The following FBXO30 variants were observed in gnomAD, a reference collection of about 807,000 sequenced individuals.
FBXO30 encodes the protein F-box protein 30.
In FBXO30, 21 loss-of-function variants were observed where a neutral mutation model predicts 58.1. The observed-to-expected ratio is 0.36, with a 90% CI of 0.26 to 0.52. The LOEUF (loss-of-function observed/expected upper bound fraction) is 0.52. Among genes scored for constraint, FBXO30 ranks in the 20% least tolerant of loss-of-function variants. FBXO30 has a pLI of 0.93. For missense variants in FBXO30, 744 were observed against 897.3 expected (o/e 0.83, Z 2.18); for synonymous variants, 309 against 312.4 (o/e 0.99, Z 0.11).
At position 145,805,925 on chromosome 6, in the gene FBXO30, T is replaced by C. The variant is rs761534844; in HGVS notation, c.481A>G (p.Ser161Gly). 3.7e-6 allele frequency: 6 copies of C among 1,613,938 alleles called. No homozygotes were observed. The African/African-American group carries it at 5.3e-5, about 14-fold the overall frequency. The change falls in exon 2 of 3, where the codon AGT (serine) becomes GGT (glycine). Residue 161 changes from serine (S) to glycine (G), a missense_variant. Ser to Gly is a moderately conservative substitution (Grantham distance 56). Coordinates refer to ENST00000237281, the MANE Select transcript of FBXO30 (RefSeq NM_032145.5). The part of the protein sequence containing the change: ...KPREQISVKS[S>G]VPEIPHANGL... Reference sequence around the variant, plus strand: ...TTAGCATGTGGTATTTCTGGGACACTTGATTTAACTGAGATTTGTTCTCTA... The same window carrying C: ...TTAGCATGTGGTATTTCTGGGACACCTGATTTAACTGAGATTTGTTCTCTA...
chr6:145,795,328 C>T lies in FBXO30; in HGVS notation c.*4778G>A, dbSNP rs1026713323. The T allele has an allele frequency of 2.0e-5, 3 of 151,868 alleles. No individual in the cohort carries two copies. The highest frequency in any genetic ancestry group is 7.2e-5 in the African/African-American group (3 of 41,412). 9.4% of individuals were successfully genotyped at this position (151,868 alleles called of 1,614,324 possible). A position where few individuals can be genotyped will look rare whatever the true frequency, so the allele number is the denominator to read the frequency against. On this transcript the variant is annotated 3_prime_UTR_variant, in exon 3 of 3. Transcript: ENST00000237281. Reference sequence around the variant, plus strand: ...ATTAATTGGTCTTAAGAGTTCAACACAAATGCAGTTTTGTTACTTTCAAAT... The same window carrying T: ...ATTAATTGGTCTTAAGAGTTCAACATAAATGCAGTTTTGTTACTTTCAAAT...
Position 145,799,581 on chromosome 6 carries a change from G to GT in FBXO30, c.*524dup, listed in dbSNP as rs1777935637. 1 of 152,566 alleles carries GT rather than the reference G, an allele frequency of 6.6e-6. No homozygotes were observed. The highest frequency in any genetic ancestry group is 2.4e-5 in the African/African-American group (1 of 41,412). The allele number at this position is 152,566 out of a possible 1,614,324, so 9.5% of individuals were successfully genotyped here. On this transcript the variant is annotated 3_prime_UTR_variant, in exon 3 of 3. Transcript: ENST00000237281. Reference sequence around the variant, plus strand: ...TACCAAACTTTATGATTTTACGTATGTAAGTATATATTAGAGATCATTTGT... The same window carrying GT: ...TACCAAACTTTATGATTTTACGTATGTTAAGTATATATTAGAGATCATTTGT...
At chr6:145,803,612 C>T (rs1017025794) in intron 2 of FBXO30, among the ~76,000 whole-genome samples, 4 of 152,132 alleles carry the variant, frequency 2.6e-5, no homozygotes, top group African/African-American at 9.7e-5. Flanking sequence ...CCAGTTCCTA[C>T]TGAGTAGTGC....
In FBXO30 at chr6:145,805,779, C is replaced by T; in HGVS notation, c.627G>A (p.Met209Ile). The change falls in exon 2 of 3, where the codon ATG becomes ATA. Residue 209 changes from methionine (M) to isoleucine (I), a missense_variant. This residue lies in a region of FBXO30 where 275 missense variants were observed against 262.0 expected (regional missense o/e 1.05). Transcript: ENST00000237281. ...ILNTATRDIGMLNTSVPNDMD... is the reference protein window; with the variant it reads ...ILNTATRDIGILNTSVPNDMD... ...TGTCATTTGGGACACTTGTATTTAA[C>T]ATGCCAATGTCTCTTGTAGCAGTAT... 1 of 1,614,108 alleles carries T rather than the reference C, an allele frequency of 6.2e-7. No homozygotes were observed.
chr6:145,802,024 G>C (rs1228493791), intron 2 of FBXO30, among the ~76,000 whole-genome samples: 1 of 152,094 alleles, frequency 6.6e-6, no homozygotes, highest in East Asian at 1.9e-4. Flanking sequence ...TATTTACTCA[G>C]TGCCTACTAC....
chr6:145,805,263 T>C lies in FBXO30; in HGVS notation c.1143A>G (p.Leu381=), dbSNP rs780307520. Reference sequence around the variant, plus strand: ...TGAATGAAGGAGCATGACTGAAAGATAAGACATCCACATTCTTCACGTCCC... The same window carrying C: ...TGAATGAAGGAGCATGACTGAAAGACAAGACATCCACATTCTTCACGTCCC... The part of the protein sequence containing the change: ...DLGDVKNVDV[L]SFSHAPSFNF... Residue 381 remains leucine, a synonymous_variant, in exon 2 of 3, where the codon TTA becomes TTG. Coordinates refer to ENST00000237281, the MANE Select transcript of FBXO30 (RefSeq NM_032145.5). The C allele has an allele frequency of 9.9e-6, 16 of 1,613,974 alleles. No individual in the cohort carries two copies. Among genetic ancestry groups the C allele is most frequent in the East Asian group, 2.2e-5 (1 of 44,890 alleles).
chr6:145,805,596 T>A lies in FBXO30; in HGVS notation c.810A>T (p.Leu270Phe). 1 of 1,613,886 alleles carries A rather than the reference T, an allele frequency of 6.2e-7. No individual in the cohort carries two copies. The highest frequency in any genetic ancestry group is 8.5e-7 in the Non-Finnish European group (1 of 1,179,928). Residue 270 changes from leucine (L) to phenylalanine (F), a missense_variant, in exon 2 of 3, where the codon TTA becomes TTT. By Grantham distance (22) the Leu-to-Phe change is conservative. This residue lies in a region of FBXO30 where 275 missense variants were observed against 262.0 expected (regional missense o/e 1.05). Transcript: ENST00000237281. ...CATAAGAACTTGTATTCAAGTCACA[T>A]AATAAATCACTTGAACCATTTTGTT... is the stretch of plus-strand genomic sequence containing the variant. Reference protein sequence around the residue: ...QSEQNGSSDLLCDLNTSSYDT... With the variant: ...QSEQNGSSDLFCDLNTSSYDT...
chr6:145,813,767 T>C (rs959609257), intron 1 of FBXO30, among the ~76,000 whole-genome samples: 1 of 152,170 alleles, frequency 6.6e-6, no homozygotes, highest in Non-Finnish European at 1.5e-5. Flanking sequence ...AACGAAGTAA[T>C]CATGGAATAA....
chr6:145,798,218 A>T lies in FBXO30; in HGVS notation c.*1888T>A, dbSNP rs1329868114. The T allele has an allele frequency of 6.6e-6, 1 of 152,104 alleles. No individual in the cohort carries two copies. The highest frequency in any genetic ancestry group is 1.5e-5 in the Non-Finnish European group (1 of 67,968). 9.4% of individuals were successfully genotyped at this position (152,104 alleles called of 1,614,324 possible). On this transcript the variant is annotated 3_prime_UTR_variant, in exon 3 of 3. Coordinates refer to ENST00000237281, the MANE Select transcript of FBXO30 (RefSeq NM_032145.5). The stretch of plus-strand genomic sequence containing the variant: ...GTTAAGGGAAAACATTAATTTTATT[A>T]GAACTTGAACAAATGTTTCACAAAG...
At chr6:145,804,090 CAA>C (rs1477834904) in intron 2 of FBXO30, among the ~76,000 whole-genome samples, 5 of 152,082 alleles carry the variant, frequency 3.3e-5, no homozygotes, top group African/African-American at 1.2e-4. Context: ...TGGACCCAAA[CAA>C]AGAGAGTTGT....
intron 1 of FBXO30, among the ~76,000 whole-genome samples, chr6:145,814,394 C>T (rs1236240221): frequency 1.3e-5 from 2 of 152,102 alleles, no homozygotes; most frequent in Non-Finnish European, 2.9e-5. Flanking sequence ...CGGCGGACGC[C>T]CTCTCAGGGC....
In FBXO30 at chr6:145,800,255, T is replaced by A. The variant is rs1415463670; in HGVS notation, c.2089A>T (p.Ile697Phe). Reference protein sequence around the residue: ...CSVNEWKFADILSMADHLKKC... With the variant: ...CSVNEWKFADFLSMADHLKKC... ...TTCAAGTGGTCTGCCATGCTTAGGA[T>A]GTCAGCAAATTTCCATTCATTAACA... The change falls in exon 3 of 3, where the codon ATC becomes TTC. Residue 697 changes from isoleucine to phenylalanine, a missense_variant. Coordinates refer to ENST00000237281, the MANE Select transcript of FBXO30 (RefSeq NM_032145.5). 2.5e-6 allele frequency: 4 copies of A among 1,612,888 alleles called. No homozygotes were observed. Among genetic ancestry groups the A allele is most frequent in the Non-Finnish European group, 3.4e-6 (4 of 1,179,310 alleles).
Position 145,794,992 on chromosome 6 carries a change from C to A in FBXO30, c.*5114G>T, listed in dbSNP as rs1446403813. Reference sequence around the variant, plus strand: ...AATTCTAGGACAGCAGAATGCAGGACCCCTTTTTTTCAATTTCAATCTTTT... The same window carrying A: ...AATTCTAGGACAGCAGAATGCAGGAACCCTTTTTTTCAATTTCAATCTTTT... On this transcript the variant is annotated 3_prime_UTR_variant, in exon 3 of 3. Transcript: ENST00000237281. 2 of 151,508 alleles carry A rather than the reference C, an allele frequency of 1.3e-5. No individual in the cohort carries two copies. Among genetic ancestry groups the A allele is most frequent in the African/African-American group, 4.8e-5 (2 of 41,296 alleles). 9.4% of individuals were successfully genotyped at this position (151,508 alleles called of 1,614,324 possible). A position where few individuals can be genotyped will look rare whatever the true frequency, so the allele number is the denominator to read the frequency against.
At chr6:145,801,324 G>T (rs1302270423) in intron 2 of FBXO30, among the ~76,000 whole-genome samples, 2 of 152,074 alleles carry the variant, frequency 1.3e-5, no homozygotes, top group Admixed American at 6.6e-5. Context: ...GCAGCATGTG[G>T]CCCAGGACGG....
chr6:145,799,491 G>A lies in FBXO30; in HGVS notation c.*615C>T, dbSNP rs1285384745. ...AAAGCTGCACATGGTCACTCTGTGTGTTGAGTTGTAAGTATGTGAGATAAA... is the reference window on the plus strand; with the variant it reads ...AAAGCTGCACATGGTCACTCTGTGTATTGAGTTGTAAGTATGTGAGATAAA... On this transcript the variant is annotated 3_prime_UTR_variant, in exon 3 of 3. Coordinates refer to ENST00000237281, the MANE Select transcript of FBXO30 (RefSeq NM_032145.5). 1 of 152,388 alleles carries A rather than the reference G, an allele frequency of 6.6e-6. No individual in the cohort carries two copies. Among genetic ancestry groups the A allele is most frequent in the Non-Finnish European group, 1.5e-5 (1 of 68,038 alleles). 9.4% of individuals were successfully genotyped at this position (152,388 alleles called of 1,614,324 possible). A position where few individuals can be genotyped will look rare whatever the true frequency, so the allele number is the denominator to read the frequency against.
In FBXO30 at chr6:145,796,399, T is replaced by C. The variant is rs1418646242; in HGVS notation, c.*3707A>G. On this transcript the variant is annotated 3_prime_UTR_variant, in exon 3 of 3. Transcript: ENST00000237281. ...CACCATCAAACAAGTCACTGATGAGTTGATAAAGGTATAACTAATATTCTC... is the reference window on the plus strand; with the variant it reads ...CACCATCAAACAAGTCACTGATGAGCTGATAAAGGTATAACTAATATTCTC... The C allele has an allele frequency of 6.6e-6, 1 of 151,972 alleles. No individual in the cohort carries two copies. The highest frequency in any genetic ancestry group is 2.4e-5 in the African/African-American group (1 of 41,424). 9.4% of individuals were successfully genotyped at this position (151,972 alleles called of 1,614,324 possible). A position where few individuals can be genotyped will look rare whatever the true frequency, so the allele number is the denominator to read the frequency against.
At position 145,800,095 on chromosome 6, in the gene FBXO30, T is replaced by TTTAAA. The variant is rs1777949866; in HGVS notation, c.*10_*11insTTTAA. On this transcript the variant is annotated 3_prime_UTR_variant, in exon 3 of 3. Transcript: ENST00000237281. ...GGTGCTTGCATATATGTGCTAGTAA[T>TTTAAA]ATTACAACTTTTAAAGTACAGGTTT... is the stretch of plus-strand genomic sequence containing the variant. 1 of 1,602,142 alleles carries TTTAAA rather than the reference T, an allele frequency of 6.2e-7. No individual in the cohort carries two copies. Among genetic ancestry groups the TTTAAA allele is most frequent in the Non-Finnish European group, 8.5e-7 (1 of 1,169,998 alleles).
In FBXO30 at chr6:145,796,777, C is replaced by A. The variant is rs1583187572; in HGVS notation, c.*3329G>T. ...ACTAGTCAAATCTCCACAGGCAAAA[C>A]TGTTATCGATATAGTAATATAAACT... is the stretch of plus-strand genomic sequence containing the variant. On this transcript the variant is annotated 3_prime_UTR_variant, in exon 3 of 3. Transcript: ENST00000237281. 6.6e-6 allele frequency: 1 copy of A among 151,958 alleles called. No homozygotes were observed. Among genetic ancestry groups the A allele is most frequent in the Non-Finnish European group, 1.5e-5 (1 of 67,910 alleles). The allele number at this position is 151,958 out of a possible 1,614,324, so 9.4% of individuals were successfully genotyped here.
chr6:145,805,659 T>C lies in FBXO30; in HGVS notation c.747A>G (p.Gly249=). 1 of 1,614,128 alleles carries C rather than the reference T, an allele frequency of 6.2e-7. No individual in the cohort carries two copies. Among genetic ancestry groups the C allele is most frequent in the Non-Finnish European group, 8.5e-7 (1 of 1,179,998 alleles). ...LYEEEIGAVG[G]IDYNDTNQNA... ...TCTGATTTGTGTCATTGTAGTCAAT[T>C]CCACCTACTGCTCCTATTTCCTCCT... The change falls in exon 2 of 3, where the codon GGA becomes GGG. Residue 249 remains glycine (G), a synonymous_variant. Coordinates refer to ENST00000237281, the MANE Select transcript of FBXO30 (RefSeq NM_032145.5).
Sources: allele counts gnomAD v4.1 joint callset (sites outside exome capture counted in the v4.1 genomes callset), GRCh38; gene constraint gnomAD v4.1.1; regional missense constraint gnomAD v4.1.1; transcripts MANE v1.5; gene names NCBI Gene and HGNC (gene_info 2026-07-23, HGNC 2026-07-21).